The following RCAN2 variants were observed in gnomAD, a reference collection of about 807,000 sequenced individuals.
RCAN2 encodes regulator of calcineurin 2, also known as calcipressin-2.
RCAN2 carries 9 observed loss-of-function variants against 23.6 expected under a neutral mutation model. The ratio of observed to expected loss-of-function variants is 0.38; its 90% CI spans 0.23 to 0.67. The LOEUF (loss-of-function observed/expected upper bound fraction) is 0.67, where lower values mean the gene tolerates loss of function less well. Among genes scored for constraint, RCAN2 ranks in the 30% least tolerant of loss-of-function variants. RCAN2 has a pLI of 0.51. For missense variants in RCAN2, 273 were observed against 302.3 expected (o/e 0.90, Z 0.72); for synonymous variants, 109 against 115.7 (o/e 0.94, Z 0.37).
In RCAN2 at chr6:46,374,374, T is replaced by C. The variant is rs115792810; in HGVS notation, c.225+82378A>G. Among the ~76,000 whole-genome samples, 968 of 152,348 alleles carry C rather than the reference T, an allele frequency of 6.4e-3. 10 individuals are homozygous for C. Among genetic ancestry groups the C allele is most frequent in the African/African-American group, 0.022 (929 of 41,574 alleles). On this transcript the variant is annotated intron_variant, in intron 2 of 4. Coordinates refer to ENST00000371374, the MANE Select transcript of RCAN2 (RefSeq NM_001251974.2). ...TATGATGCACAATCATCTTTTATTTTACACTATTATTTTAACATTTCATAC... is the reference window on the plus strand; with the variant it reads ...TATGATGCACAATCATCTTTTATTTCACACTATTATTTTAACATTTCATAC...
chr6:46,470,944 C>T (rs746029172), intron 1 of RCAN2, among the ~76,000 whole-genome samples: 2 of 152,208 alleles, frequency 1.3e-5, no homozygotes, highest in Admixed American at 6.5e-5. Flanking sequence ...CACCACTCCA[C>T]CAGAAGGCAC....
chr6:46,474,156 C>G (rs2153619), intron 1 of RCAN2, among the ~76,000 whole-genome samples: 17,549 of 151,064 alleles, frequency 0.12, 1,360 homozygotes, highest in South Asian at 0.24. Context: ...GCTTCAGGAA[C>G]AGGCAGAATT....
intron 2 of RCAN2, among the ~76,000 whole-genome samples, chr6:46,264,936 T>C (rs1182889092): frequency 2.0e-5 from 3 of 152,194 alleles, no homozygotes; most frequent in African/African-American, 7.2e-5. Flanking sequence ...TAAAAGAGAT[T>C]AAACGATCTG....
At chr6:46,388,172 T>C (rs957253726) in intron 2 of RCAN2, among the ~76,000 whole-genome samples, 13 of 152,040 alleles carry the variant, frequency 8.6e-5, no homozygotes, top group Admixed American at 2.0e-4. Flanking sequence ...TTAATGGGTG[T>C]AGCACACCAA....
intron 2 of RCAN2, among the ~76,000 whole-genome samples, chr6:46,433,693 T>C (rs1344701773): frequency 1.3e-5 from 2 of 152,196 alleles, no homozygotes; most frequent in South Asian, 2.1e-4. Context: ...CCAGAAGGAA[T>C]ACATGACTGC....
intron 4 of RCAN2, among the ~76,000 whole-genome samples, chr6:46,244,324 C>T (rs1433310905): frequency 6.6e-6 from 1 of 151,946 alleles, no homozygotes; most frequent in Non-Finnish European, 1.5e-5. Flanking sequence ...TCTTTCTTTC[C>T]TTCCTCTTCT....
chr6:46,472,716 T>C (rs2150442362), intron 1 of RCAN2, among the ~76,000 whole-genome samples: 1 of 152,328 alleles, frequency 6.6e-6, no homozygotes, highest in Middle Eastern at 3.4e-3. Context: ...AAGTATCTAG[T>C]ACAGACTAAG....
At chr6:46,325,915 C>A (rs1763783089) in intron 2 of RCAN2, 2 of 983,538 alleles carry the variant, frequency 2.0e-6, no homozygotes, top group African/African-American at 3.5e-5. Context: ...GAATCTGACA[C>A]CAGAGTTTCT....
At chr6:46,312,808 C>T (rs948949718) in intron 2 of RCAN2, among the ~76,000 whole-genome samples, 6 of 152,176 alleles carry the variant, frequency 3.9e-5, no homozygotes, top group African/African-American at 9.7e-5. Flanking sequence ...ATACTGCAGC[C>T]GCCTCCTCAT....
At chr6:46,228,222 A>C (rs1289991219) in intron 4 of RCAN2, among the ~76,000 whole-genome samples, 1 of 152,070 alleles carries the variant, frequency 6.6e-6, no homozygotes, top group Non-Finnish European at 1.5e-5. Context: ...GAATAAGTGC[A>C]ATGTGGTGCT....
rs547182821 is a variant in RCAN2, at chr6:46,370,345, G to A, written c.225+86407C>T. On this transcript the variant is annotated intron_variant, in intron 2 of 4. Coordinates refer to ENST00000371374, the MANE Select transcript of RCAN2 (RefSeq NM_001251974.2). ...TGATCCCTTGTTCTGGTTATTCTCC[G>A]CTTGCATCCTATATTCATTCTCTAC... 2.0e-4 allele frequency among the ~76,000 whole-genome samples: 30 copies of A among 152,076 alleles called. 1 individual carries two copies. The South Asian group carries it at 3.1e-3, about 16-fold the overall frequency.
At chr6:46,472,824 C>T (rs1453516256) in intron 1 of RCAN2, among the ~76,000 whole-genome samples, 1 of 152,056 alleles carries the variant, frequency 6.6e-6, no homozygotes, top group East Asian at 1.9e-4. Flanking sequence ...GAGGACATAC[C>T]AACTGAGTTA....
intron 2 of RCAN2, among the ~76,000 whole-genome samples, chr6:46,322,359 G>A (rs1763646073): frequency 6.6e-6 from 1 of 152,162 alleles, no homozygotes; most frequent in African/African-American, 2.4e-5. Context: ...CACCACCAAT[G>A]GAATTTCCAG....
chr6:46,356,811 C>T, intron 2 of RCAN2, among the ~76,000 whole-genome samples: 1 of 152,186 alleles, frequency 6.6e-6, no homozygotes, highest in East Asian at 1.9e-4. Flanking sequence ...GATATTGCTT[C>T]TTCAGATCAG....
intron 1 of RCAN2, among the ~76,000 whole-genome samples, chr6:46,457,396 T>C (rs114060320): frequency 0.017 from 2,563 of 152,264 alleles, 64 homozygotes; most frequent in African/African-American, 0.059. Context: ...TACCAATATT[T>C]TCCCCAATTT....
Position 46,401,389 on chromosome 6 carries a change from G to A in RCAN2, c.225+55363C>T, listed in dbSNP as rs993219985. Among the ~76,000 whole-genome samples the A allele has an allele frequency of 8.5e-5, 13 of 152,274 alleles. No individual in the cohort carries two copies. In the South Asian group the frequency reaches 1.0e-3, roughly 12 times the overall value. The stretch of plus-strand genomic sequence containing the variant: ...AAGGGTCCCCCTACAGTTTGAACAT[G>A]GGGGAGACAGTAGAGATTCAGGTGC... On this transcript the variant is annotated intron_variant, in intron 2 of 4. Coordinates refer to ENST00000371374, the MANE Select transcript of RCAN2 (RefSeq NM_001251974.2).
chr6:46,438,884 G>A (rs1418881863), intron 2 of RCAN2, among the ~76,000 whole-genome samples: 2 of 152,222 alleles, frequency 1.3e-5, no homozygotes, highest in East Asian at 3.9e-4. Flanking sequence ...AATAATTGAT[G>A]GCTGATTGAT....
At chr6:46,254,634 G>A (rs1460051400) in intron 2 of RCAN2, among the ~76,000 whole-genome samples, 3 of 152,130 alleles carry the variant, frequency 2.0e-5, no homozygotes, top group Non-Finnish European at 4.4e-5. Flanking sequence ...TGGTAGTGTG[G>A]GGAAACACTT....
At chr6:46,277,900 A>G (rs1317423988) in intron 2 of RCAN2, among the ~76,000 whole-genome samples, 4 of 152,214 alleles carry the variant, frequency 2.6e-5, no homozygotes, top group Non-Finnish European at 4.4e-5. Context: ...AAGTAGCTGT[A>G]GCTCTTCAGG....
Sources: gnomAD v4.1 joint callset for allele counts (sites outside exome capture counted in the v4.1 genomes callset) on GRCh38, gnomAD v4.1.1 for gene constraint, MANE v1.5 for transcripts, NCBI Gene and HGNC (gene_info 2026-07-23, HGNC 2026-07-21) for gene names.